The following SPIDR variants were observed in gnomAD, a reference collection of about 807,000 sequenced individuals.
SPIDR encodes DNA repair-scaffolding protein.
In SPIDR, 93 loss-of-function variants were observed where a neutral mutation model predicts 104.6. That is an observed-to-expected ratio of 0.89 (90% CI 0.75 to 1.06). The LOEUF (loss-of-function observed/expected upper bound fraction) is 1.06. Ranked by LOEUF, SPIDR falls within the 50% of genes least tolerant of loss-of-function variation. SPIDR has a pLI of 0.00. For missense variants in SPIDR, 1,154 were observed against 1,111.2 expected, an observed-to-expected ratio of 1.04 and a Z score of -0.55; for synonymous variants, 431 against 416.9, an observed-to-expected ratio of 1.03 and a Z score of -0.41.
intron 10 of SPIDR, among the ~76,000 whole-genome samples, chr8:47,664,011 A>G (rs558588806): frequency 6.6e-6 from 1 of 152,320 alleles, no homozygotes; most frequent in East Asian, 1.9e-4. Flanking sequence ...TACTAAATCT[A>G]AGTGAGAACG....
chr8:47,503,470 T>A lies in SPIDR; in HGVS notation c.1097+62928T>A, dbSNP rs1178140072. 2.0e-5 allele frequency among the ~76,000 whole-genome samples: 3 copies of A among 152,170 alleles called. No homozygotes were observed. In the East Asian group the frequency reaches 5.8e-4, roughly 29 times the overall value. ...ACTAGGATTGCAACCCCTGCCGTTT[T>A]TTGTTTTCCATTTGCTTGGTAGATC... On this transcript the variant is annotated intron_variant, in intron 8 of 19. Coordinates refer to ENST00000297423, the MANE Select transcript of SPIDR (RefSeq NM_001080394.4).
intron 8 of SPIDR, among the ~76,000 whole-genome samples, chr8:47,564,307 G>C (rs1429162769): frequency 6.6e-6 from 1 of 151,882 alleles, no homozygotes; most frequent in African/African-American, 2.4e-5. Flanking sequence ...TCGATCTCTT[G>C]ACTTTGTGAT....
chr8:47,399,441 A>G (rs369010410), intron 6 of SPIDR, among the ~76,000 whole-genome samples: 64 of 152,320 alleles, frequency 4.2e-4, no homozygotes, highest in African/African-American at 1.5e-3. Flanking sequence ...TTTCCGATCA[A>G]TTCTATTCCA....
intron 8 of SPIDR, among the ~76,000 whole-genome samples, chr8:47,594,330 G>A (rs1294296982): frequency 2.6e-5 from 4 of 150,966 alleles, no homozygotes; most frequent in African/African-American, 4.9e-5. Context: ...AGCTGAGATC[G>A]TGCCCCCAGC....
intron 11 of SPIDR, 114 bp from the exon 12 acceptor site, chr8:47,700,289 T>TTG (rs2154482118): frequency 9.3e-7 from 1 of 1,079,664 alleles, no homozygotes; most frequent in East Asian, 2.4e-5. Flanking sequence ...ACATCTCGAA[T>TTG]TGTAGTTCCA....
At chr8:47,523,649 G>A (rs1016776256) in intron 8 of SPIDR, among the ~76,000 whole-genome samples, 9 of 152,104 alleles carry the variant, frequency 5.9e-5, no homozygotes, top group African/African-American at 1.9e-4. Flanking sequence ...TCATGGATGC[G>A]ACCACCCTGC....
At chr8:47,262,069 T>C (rs1256166870) in intron 1 of SPIDR, among the ~76,000 whole-genome samples, 2 of 152,228 alleles carry the variant, frequency 1.3e-5, no homozygotes, top group East Asian at 3.8e-4. Context: ...TGCCATGTTC[T>C]AATTTTTGAC....
At chr8:47,721,551 A>G (rs2083394236) in intron 16 of SPIDR, among the ~76,000 whole-genome samples, 1 of 151,808 alleles carries the variant, frequency 6.6e-6, no homozygotes, top group Admixed American at 6.6e-5. Context: ...GGCTCACTGC[A>G]AGCTCCGCCT....
At chr8:47,510,959 G>A (rs2082225588) in intron 8 of SPIDR, 2 of 634,772 alleles carry the variant, frequency 3.2e-6, no homozygotes, top group Non-Finnish European at 5.7e-6. Flanking sequence ...GGGGGCAGGA[G>A]GGATGATCCC....
chr8:47,466,900 A>ATAT (rs1554717437), intron 8 of SPIDR, among the ~76,000 whole-genome samples: 1,884 of 114,294 alleles, frequency 0.016, 61 homozygotes, highest in Non-Finnish European at 0.022. Flanking sequence ...AAAAAAAAAA[A>ATAT]ATATATATAT....
intron 8 of SPIDR, among the ~76,000 whole-genome samples, chr8:47,508,788 A>G (rs1248545216): frequency 6.6e-6 from 1 of 152,162 alleles, no homozygotes; most frequent in African/African-American, 2.4e-5. Flanking sequence ...CCATCAGGAC[A>G]CAGAGGTGTT....
intron 6 of SPIDR, among the ~76,000 whole-genome samples, chr8:47,401,651 AT>A (rs1317508162): frequency 2.6e-5 from 4 of 152,164 alleles, no homozygotes; most frequent in Non-Finnish European, 5.9e-5. Flanking sequence ...TACCAAGCAA[AT>A]GGAAAACAAA....
At chr8:47,604,020 A>G (rs759397020) in intron 10 of SPIDR, among the ~76,000 whole-genome samples, 2 of 152,182 alleles carry the variant, frequency 1.3e-5, no homozygotes, top group Non-Finnish European at 2.9e-5. Context: ...TGCAGTGGTT[A>G]ACAAAACCAG....
chr8:47,709,916 AG>A lies in SPIDR; in HGVS notation c.1978-2745del, dbSNP rs1300043433. On this transcript the variant is annotated intron_variant, in intron 14 of 19. Transcript: ENST00000297423. ...TTTTTTTTTTTTGAGATGCTCTGTC[AG>A]TCAGGCTGGAGTTGCAGTGGTATGA... Among the ~76,000 whole-genome samples, 5 of 137,418 alleles carry A rather than the reference AG, an allele frequency of 3.6e-5. No individual in the cohort carries two copies. The East Asian group carries it at 1.1e-3, about 29-fold the overall frequency. 90.2% of individuals were successfully genotyped at this position (137,418 alleles called of 152,430 possible). A position where few individuals can be genotyped will look rare whatever the true frequency, so the allele number is the denominator to read the frequency against.
intron 10 of SPIDR, chr8:47,673,559 G>A (rs201595127): frequency 1.7e-6 from 1 of 571,794 alleles, no homozygotes; most frequent in Admixed American, 2.4e-5. Context: ...ACACCTGCAT[G>A]AACACATACA....
intron 8 of SPIDR, among the ~76,000 whole-genome samples, chr8:47,487,635 C>G (rs1482917883): frequency 2.6e-5 from 4 of 152,188 alleles, no homozygotes; most frequent in African/African-American, 4.8e-5. Context: ...TGTATAAGAA[C>G]AGAAATTATA....
chr8:47,384,718 C>T (rs12335113), intron 5 of SPIDR, among the ~76,000 whole-genome samples: 59 of 152,312 alleles, frequency 3.9e-4, no homozygotes, highest in Admixed American at 1.1e-3. Context: ...GTCCTCTCCT[C>T]CTCCTCCCTC....
intron 10 of SPIDR, among the ~76,000 whole-genome samples, chr8:47,604,355 C>T (rs557431276): frequency 2.7e-4 from 41 of 152,304 alleles, no homozygotes; most frequent in African/African-American, 8.2e-4. Flanking sequence ...GGCACGCAAC[C>T]GGCCACAGCC....
chr8:47,630,962 C>T (rs954135822), intron 10 of SPIDR, among the ~76,000 whole-genome samples: 1 of 152,142 alleles, frequency 6.6e-6, no homozygotes, highest in African/African-American at 2.4e-5. Context: ...TCTTAAAGGG[C>T]AACCTACAGA....
Sources: allele counts gnomAD v4.1 joint callset (sites outside exome capture counted in the v4.1 genomes callset), GRCh38; gene constraint gnomAD v4.1.1; transcripts MANE v1.5; gene names NCBI Gene and HGNC (gene_info 2026-07-23, HGNC 2026-07-21).